Variants in KIF6 observed in about 807,000 individuals in gnomAD.
KIF6 encodes kinesin-like protein KIF6.
In KIF6, 106 loss-of-function variants were observed where a neutral mutation model predicts 112.7. That is an observed-to-expected ratio of 0.94 (90% CI 0.80 to 1.11). The LOEUF is 1.11. Among genes scored for constraint, KIF6 ranks in the 50% least tolerant of loss-of-function variants. The probability of loss-of-function intolerance (pLI) is 0.00; values close to 1 mark genes in which losing one functional copy is unlikely to be tolerated. For missense variants in KIF6, 929 were observed against 964.0 expected (o/e 0.96, Z 0.48); for synonymous variants, 339 against 339.9 (o/e 1.00, Z 0.03).
intron 19 of KIF6, chr6:39,354,116 C>T: frequency 2.9e-6 from 1 of 342,268 alleles, no homozygotes; most frequent in South Asian, 2.5e-5. Flanking sequence ...CCCTGAAGGC[C>T]ATCTGGGATG....
chr6:39,713,281 C>A (rs1486754749), intron 3 of KIF6, among the ~76,000 whole-genome samples: 2 of 152,174 alleles, frequency 1.3e-5, no homozygotes, highest in African/African-American at 4.8e-5. Flanking sequence ...GTCAAAATGG[C>A]AGACATATCA....
intron 6 of KIF6, among the ~76,000 whole-genome samples, chr6:39,596,707 C>G (rs533893958): frequency 2.1e-3 from 313 of 152,188 alleles, no homozygotes; most frequent in African/African-American, 7.1e-3. Context: ...CTACTCAACA[C>G]TAAAGTGGAG....
chr6:39,444,645 T>C (rs1772189520), intron 13 of KIF6, among the ~76,000 whole-genome samples: 1 of 151,988 alleles, frequency 6.6e-6, no homozygotes, highest in African/African-American at 2.4e-5. Flanking sequence ...CCTCCTCATT[T>C]CCCCGAACTC....
intron 3 of KIF6, among the ~76,000 whole-genome samples, chr6:39,706,620 T>G (rs1187517881): frequency 6.6e-6 from 1 of 152,260 alleles, no homozygotes; most frequent in African/African-American, 2.4e-5. Flanking sequence ...AAATGTGATG[T>G]CATCAGGAAA....
intron 3 of KIF6, among the ~76,000 whole-genome samples, chr6:39,647,861 G>A (rs1054976140): frequency 7.9e-5 from 12 of 151,656 alleles, no homozygotes; most frequent in African/African-American, 2.4e-4. Flanking sequence ...ACAGGCACCC[G>A]CCATTATGCC....
chr6:39,639,997 A>G (rs969009967), intron 3 of KIF6, among the ~76,000 whole-genome samples: 3 of 152,126 alleles, frequency 2.0e-5, no homozygotes, highest in Non-Finnish European at 4.4e-5. Flanking sequence ...CAGTCATCTT[A>G]AATATATTCT....
intron 13 of KIF6, among the ~76,000 whole-genome samples, chr6:39,524,056 G>A (rs1031468168): frequency 7.2e-5 from 11 of 151,976 alleles, no homozygotes; most frequent in Non-Finnish European, 2.9e-5. Flanking sequence ...AGTACTTCAT[G>A]TGTTTCACAG....
intron 13 of KIF6, among the ~76,000 whole-genome samples, chr6:39,492,934 C>T (rs925610326): frequency 2.0e-5 from 3 of 152,194 alleles, no homozygotes; most frequent in African/African-American, 7.2e-5. Flanking sequence ...TTCTCATTGA[C>T]ATCTAAAGCA....
chr6:39,376,235 C>T (rs1460547201), intron 16 of KIF6, among the ~76,000 whole-genome samples: 1 of 152,172 alleles, frequency 6.6e-6, no homozygotes, highest in African/African-American at 2.4e-5. Context: ...TTCAAGGAGT[C>T]AACAATTTTA....
intron 3 of KIF6, among the ~76,000 whole-genome samples, chr6:39,671,385 T>C (rs770134123): frequency 6.6e-5 from 10 of 152,226 alleles, no homozygotes; most frequent in Non-Finnish European, 8.8e-5. Flanking sequence ...TAGACTTCTC[T>C]AGACTCTAGT....
At chr6:39,675,896 T>C (rs1787106656) in intron 3 of KIF6, among the ~76,000 whole-genome samples, 1 of 151,716 alleles carries the variant, frequency 6.6e-6, no homozygotes, top group African/African-American at 2.4e-5. Context: ...CTTAATGAAC[T>C]AGAAGAAATA....
rs1183153589 is a variant in KIF6 at position 39,586,285 on chromosome 6, GAGTGTTGCAATCAT to G, written c.952_965del (p.Met318LeufsTer8). ...CATCAAGATTCCTTTTCTCCAAGGA[GAGTGTTGCAATCAT>G]AGTTGTCATGCAGTTCCCTCCCAAA... is the stretch of plus-strand genomic sequence containing the variant. On this transcript the variant is annotated frameshift_variant, in exon 8 of 23. Coordinates refer to ENST00000287152, the MANE Select transcript of KIF6 (RefSeq NM_145027.6). LOFTEE classifies it high-confidence loss of function. 3 of 1,614,192 alleles carry G rather than the reference GAGTGTTGCAATCAT, an allele frequency of 1.9e-6. No individual in the cohort carries two copies. The highest frequency in any genetic ancestry group is 1.6e-4 in the Middle Eastern group (1 of 6,062).
chr6:39,443,858 G>A (rs139067051), intron 13 of KIF6, among the ~76,000 whole-genome samples: 1 of 152,316 alleles, frequency 6.6e-6, no homozygotes, highest in East Asian at 1.9e-4. Flanking sequence ...TCCTTAGCTT[G>A]TAAGTAAGTA....
chr6:39,722,541 A>G (rs779510384), intron 1 of KIF6, among the ~76,000 whole-genome samples: 2 of 152,232 alleles, frequency 1.3e-5, no homozygotes, highest in Non-Finnish European at 2.9e-5. Flanking sequence ...TTCATTTTAT[A>G]TATCCTTTTT....
intron 13 of KIF6, among the ~76,000 whole-genome samples, chr6:39,456,675 G>A (rs2150415752): frequency 9.7e-6 from 1 of 103,018 alleles, no homozygotes; most frequent in Admixed American, 1.1e-4. Context: ...GATGGAGGAA[G>A]ATCTACCAAG....
At chr6:39,588,949 C>A (rs183629860) in intron 7 of KIF6, among the ~76,000 whole-genome samples, 75 of 152,298 alleles carry the variant, frequency 4.9e-4, no homozygotes, top group Middle Eastern at 3.4e-3. Context: ...GTTCTCCACA[C>A]AGCAGCCAGA....
intron 16 of KIF6, among the ~76,000 whole-genome samples, chr6:39,364,936 T>G (rs897693198): frequency 1.3e-5 from 2 of 152,226 alleles, no homozygotes; most frequent in Non-Finnish European, 2.9e-5. Context: ...TGGCCCCTAT[T>G]AAGCTTGTGG....
At chr6:39,684,638 A>G (rs1787746741) in intron 3 of KIF6, among the ~76,000 whole-genome samples, 1 of 150,940 alleles carries the variant, frequency 6.6e-6, no homozygotes, top group Admixed American at 6.6e-5. Flanking sequence ...AAAAATACAA[A>G]AATTAGCTGG....
At chr6:39,481,427 T>A (rs547010117) in intron 13 of KIF6, among the ~76,000 whole-genome samples, 1 of 152,366 alleles carries the variant, frequency 6.6e-6, no homozygotes, top group East Asian at 1.9e-4. Context: ...CATGTCCCAA[T>A]AATATGTACT....
Sources: gnomAD v4.1 joint callset for allele counts (sites outside exome capture counted in the v4.1 genomes callset) on GRCh38, gnomAD v4.1.1 for gene constraint, MANE v1.5 for transcripts, NCBI Gene and HGNC (gene_info 2026-07-23, HGNC 2026-07-21) for gene names.